Variants in SH2D3C observed in about 807,000 individuals in gnomAD.
SH2D3C encodes the protein SH2 domain-containing protein 3C.
SH2D3C carries 25 observed loss-of-function variants against 75.2 expected under a neutral mutation model. That is an observed-to-expected ratio of 0.33 (90% confidence interval 0.24 to 0.46). SH2D3C has a LOEUF of 0.46. Ranked by LOEUF, SH2D3C falls within the 20% of genes least tolerant of loss-of-function variation. The pLI, the probability that SH2D3C is intolerant of heterozygous loss-of-function variation, is 1.00. For missense variants in SH2D3C, 933 were observed against 1,165.3 expected (o/e 0.80, Z 2.90); for synonymous variants, 450 against 473.7 (o/e 0.95, Z 0.65).
At chr9:127,762,304 TC>T in intron 2 of SH2D3C, 3 of 1,287,242 alleles carry the variant, frequency 2.3e-6, no homozygotes, top group Non-Finnish European at 2.0e-6. Flanking sequence ...CGTGAACCAC[TC>T]CCCCCACCGC....
chr9:127,763,398 C>G (rs1845574365), intron 2 of SH2D3C, among the ~76,000 whole-genome samples: 1 of 152,120 alleles, frequency 6.6e-6, no homozygotes, highest in East Asian at 1.9e-4. Context: ...CAACACAGTG[C>G]CTGCAGGAGC....
chr9:127,743,152 C>A (rs1588492103), intron 7 of SH2D3C, among the ~76,000 whole-genome samples, 188 bp from the exon 8 acceptor site: 1 of 152,202 alleles, frequency 6.6e-6, no homozygotes, highest in Non-Finnish European at 1.5e-5. Context: ...TCAGTTTCCC[C>A]ATCTGTGAAG....
chr9:127,751,432 C>T lies in SH2D3C; in HGVS notation c.556-132G>A. On this transcript the variant is annotated intron_variant, in intron 3 of 11. Transcript: ENST00000314830. This position sits in a 1 kb window ranked among gnomAD's most constrained non-coding sequence, Gnocchi z 4.1. The stretch of plus-strand genomic sequence containing the variant: ...GAACACTAAGGCACAGGTGCCAGAC[C>T]CTTTCCCATGGGTCCCAGAAAGAGT... 1 of 832,070 alleles carries T rather than the reference C, an allele frequency of 1.2e-6. No individual in the cohort carries two copies. The highest frequency in any genetic ancestry group is 1.9e-6 in the Non-Finnish European group (1 of 516,718). The allele number at this position is 832,070 out of a possible 1,614,324, so 51.5% of individuals were successfully genotyped here. A position where few individuals can be genotyped will look rare whatever the true frequency, so the allele number is the denominator to read the frequency against.
chr9:127,771,456 T>C, intron 2 of SH2D3C: 5 of 1,118,998 alleles, frequency 4.5e-6, no homozygotes, highest in Non-Finnish European at 5.9e-6. Flanking sequence ...GCCCTCCGCC[T>C]GCGGTCTCGC....
At chr9:127,758,961 G>A (rs185124409) in intron 3 of SH2D3C, among the ~76,000 whole-genome samples, 1 of 152,322 alleles carries the variant, frequency 6.6e-6, no homozygotes, top group African/African-American at 2.4e-5. Flanking sequence ...ATCTCAGGGT[G>A]ATGAAATGTC....
At chr9:127,763,841 G>A (rs1205274787) in intron 2 of SH2D3C, among the ~76,000 whole-genome samples, 1 of 152,074 alleles carries the variant, frequency 6.6e-6, no homozygotes, top group Non-Finnish European at 1.5e-5. Flanking sequence ...GTTCTTCATC[G>A]CTAATCTTCT....
In SH2D3C at chr9:127,739,878, C is replaced by T. The variant is rs747029665; in HGVS notation, c.2211G>A (p.Pro737=). ...CATGAGGAAACGTGGTGTTGCTCAGCGGCGGGCCTTCTGCAAGGAGAAAGG... is the reference window on the plus strand; with the variant it reads ...CATGAGGAAACGTGGTGTTGCTCAGTGGCGGGCCTTCTGCAAGGAGAAAGG... ...KSLNEGKEGP[P]LSNTTFPHVL... The change falls in exon 11 of 12, where the codon CCG becomes CCA. Residue 737 remains proline, a synonymous_variant. Coordinates refer to ENST00000314830, the MANE Select transcript of SH2D3C (RefSeq NM_170600.3). This position sits in a 1 kb window ranked among gnomAD's most constrained non-coding sequence, Gnocchi z 4.3. The T allele has an allele frequency of 2.5e-5, 38 of 1,529,286 alleles. No homozygotes were observed. The highest frequency in any genetic ancestry group is 1.8e-4 in the Admixed American group (9 of 49,150). 94.7% of individuals were successfully genotyped at this position (1,529,286 alleles called of 1,614,324 possible). A position where few individuals can be genotyped will look rare whatever the true frequency, so the allele number is the denominator to read the frequency against.
chr9:127,765,276 G>C (rs369219197), intron 2 of SH2D3C, among the ~76,000 whole-genome samples: 7 of 152,194 alleles, frequency 4.6e-5, no homozygotes, highest in East Asian at 3.9e-4. Context: ...TCCCTTCCCT[G>C]CTTAATTCTG....
In SH2D3C at chr9:127,753,949, G is replaced by A. The variant is rs373368842; in HGVS notation, c.556-2649C>T. Among the ~76,000 whole-genome samples, 10 of 152,340 alleles carry A rather than the reference G, an allele frequency of 6.6e-5. 1 individual carries two copies. The highest frequency in any genetic ancestry group is 2.2e-4 in the African/African-American group (9 of 41,572). Reference sequence around the variant, plus strand: ...TCTCTGGGCCTGGGCAGCCTCATCCGTTAAAGGGGCTGGGAGACTGGGCTC... The same window carrying A: ...TCTCTGGGCCTGGGCAGCCTCATCCATTAAAGGGGCTGGGAGACTGGGCTC... On this transcript the variant is annotated intron_variant, in intron 3 of 11. Transcript: ENST00000314830.
In SH2D3C at chr9:127,751,444, G is replaced by A; in HGVS notation, c.556-144C>T. ...ACAGGTGCCAGACCCTTTCCCATGG[G>A]TCCCAGAAAGAGTAAAGAAATCTCA... On this transcript the variant is annotated intron_variant, in intron 3 of 11. Transcript: ENST00000314830. This position sits in a 1 kb window ranked among gnomAD's most constrained non-coding sequence, Gnocchi z 4.1. 1.3e-6 allele frequency: 1 copy of A among 763,706 alleles called. No homozygotes were observed. The highest frequency in any genetic ancestry group is 1.7e-5 in the South Asian group (1 of 59,528). 47.3% of individuals were successfully genotyped at this position (763,706 alleles called of 1,614,324 possible).
At position 127,754,873 on chromosome 9, in the gene SH2D3C, C is replaced by T. The variant is rs1454112195; in HGVS notation, c.556-3573G>A. ...CAGCCCAGAGTCCCAGGAGTGGCCG[C>T]CGAACCCTCACCCCGCGGAGCGCCT... On this transcript the variant is annotated intron_variant, in intron 3 of 11. Transcript: ENST00000314830. This position sits in a 1 kb window ranked among gnomAD's most constrained non-coding sequence, Gnocchi z 4.4. The T allele has an allele frequency of 2.0e-6, 1 of 503,738 alleles. No homozygotes were observed. Among genetic ancestry groups the T allele is most frequent in the Admixed American group, 2.3e-5 (1 of 43,460 alleles). The allele number at this position is 503,738 out of a possible 1,614,324, so 31.2% of individuals were successfully genotyped here. A position where few individuals can be genotyped will look rare whatever the true frequency, so the allele number is the denominator to read the frequency against.
Position 127,753,843 on chromosome 9 carries a change from T to G in SH2D3C, c.556-2543A>C, listed in dbSNP as rs75993151. 1.2e-3 allele frequency among the ~76,000 whole-genome samples: 187 copies of G among 152,348 alleles called. 1 individual carries two copies. The highest frequency in any genetic ancestry group is 4.4e-3 in the African/African-American group (184 of 41,580). ...TTCCACAGCTGGAGCTAGAGGGACG[T>G]GGGCAAAGGAGGGAGGAGGCTGGAT... is the stretch of plus-strand genomic sequence containing the variant. On this transcript the variant is annotated intron_variant, in intron 3 of 11. Transcript: ENST00000314830.
chr9:127,773,023 G>A (rs1845760640), intron 2 of SH2D3C, among the ~76,000 whole-genome samples: 2 of 151,898 alleles, frequency 1.3e-5, no homozygotes, highest in South Asian at 2.1e-4. Context: ...TAGTAGAGAC[G>A]GGGTTTTACC....
At chr9:127,755,116 G>C in intron 3 of SH2D3C, 2 of 1,219,068 alleles carry the variant, frequency 1.6e-6, no homozygotes. Flanking sequence ...GAAGCAGCAG[G>C]CGGCGGCCGA....
At chr9:127,767,977 G>A (rs1024219230) in intron 2 of SH2D3C, among the ~76,000 whole-genome samples, 10 of 152,204 alleles carry the variant, frequency 6.6e-5, no homozygotes, top group African/African-American at 2.4e-4. Context: ...TGTGGATCCA[G>A]CTAGGGGCCG....
chr9:127,753,976 C>G (rs1052765800), intron 3 of SH2D3C, among the ~76,000 whole-genome samples: 1 of 152,210 alleles, frequency 6.6e-6, no homozygotes, highest in African/African-American at 2.4e-5. Flanking sequence ...ACTGGGCTCC[C>G]CTTTTCCAGC....
At chr9:127,747,343 A>C (rs1361562368) in intron 5 of SH2D3C, 72 bp from the exon 6 acceptor site, 18 of 1,414,836 alleles carry the variant, frequency 1.3e-5, no homozygotes, top group Non-Finnish European at 1.6e-5. Context: ...GGGACCCCCC[A>C]CCTCTGCACC....
In SH2D3C at chr9:127,742,922, T is replaced by G; in HGVS notation, c.1843A>C (p.Met615Leu). 1 of 1,613,944 alleles carries G rather than the reference T, an allele frequency of 6.2e-7. No individual in the cohort carries two copies. The highest frequency in any genetic ancestry group is 1.1e-5 in the South Asian group (1 of 91,068). ...AGTTCCATGCCCCAGCGGACTCCCA[T>G]TAGGGTCTGCATCTCCTTGGTAACG... The part of the protein sequence containing the change: ...LGVTKEMQTL[M>L]GVRWGMELLT... Residue 615 changes from methionine (M) to leucine (L), a missense_variant, in exon 8 of 12, where the codon ATG becomes CTG. Met to Leu is a conservative substitution (Grantham distance 15, BLOSUM62 2). Transcript: ENST00000314830.
chr9:127,752,031 C>G (rs540399359), intron 3 of SH2D3C, among the ~76,000 whole-genome samples: 2 of 152,274 alleles, frequency 1.3e-5, no homozygotes, highest in South Asian at 4.2e-4. Flanking sequence ...ATGGGGAGAC[C>G]ATGGCCCAGC....
Sources: allele counts gnomAD v4.1 joint callset (sites outside exome capture counted in the v4.1 genomes callset), GRCh38; gene constraint gnomAD v4.1.1; non-coding constraint Gnocchi (gnomAD v3.1); transcripts MANE v1.5; gene names NCBI Gene and HGNC (gene_info 2026-07-23, HGNC 2026-07-21).